PTPRD: variants seen among roughly 807,000 people sequenced by gnomAD.
The protein encoded by PTPRD is receptor-type tyrosine-protein phosphatase delta.
A neutral mutation model predicts 214.5 loss-of-function variants in PTPRD; 34 were observed. That is an observed-to-expected ratio of 0.16 (90% CI 0.12 to 0.21). The LOEUF is 0.21. Ranked by LOEUF, PTPRD falls within the 10% of genes least tolerant of loss-of-function variation. PTPRD has a pLI of 1.00. For synonymous variants in PTPRD, 1,128 were observed against 845.7 expected, an observed-to-expected ratio of 1.33 and a Z score of -5.79; for missense variants, 2,545 against 2,398.7, an observed-to-expected ratio of 1.06 and a Z score of -1.27.
At chr9:8,995,920 A>G (rs1266269201) in intron 11 of PTPRD, among the ~76,000 whole-genome samples, 1 of 152,136 alleles carries the variant, frequency 6.6e-6, no homozygotes, top group African/African-American at 2.4e-5. Context: ...TACTTCTAGT[A>G]CAATATATCT....
chr9:10,060,144 A>G (rs771085183), intron 3 of PTPRD, among the ~76,000 whole-genome samples: 5 of 152,058 alleles, frequency 3.3e-5, no homozygotes, highest in Non-Finnish European at 7.4e-5. Flanking sequence ...ACCAAAGCAA[A>G]ACCTCCTAAA....
At chr9:10,238,493 T>C (rs1450710236) in intron 3 of PTPRD, among the ~76,000 whole-genome samples, 1 of 151,940 alleles carries the variant, frequency 6.6e-6, no homozygotes, top group Non-Finnish European at 1.5e-5. Context: ...AGCCTGTGTA[T>C]ACGCTCCAGA....
At chr9:8,606,839 C>T (rs2095241639) in intron 14 of PTPRD, among the ~76,000 whole-genome samples, 1 of 152,202 alleles carries the variant, frequency 6.6e-6, no homozygotes, top group African/African-American at 2.4e-5. Context: ...AAGCACATTG[C>T]TTAAATTATA....
chr9:10,186,131 C>T (rs1005357686), intron 3 of PTPRD, among the ~76,000 whole-genome samples: 1 of 151,724 alleles, frequency 6.6e-6, no homozygotes, highest in African/African-American at 2.4e-5. Context: ...GAGGACTCAT[C>T]CTCAACAAAC....
intron 2 of PTPRD, among the ~76,000 whole-genome samples, chr9:10,377,070 C>A (rs367705876): frequency 6.6e-6 from 1 of 151,840 alleles, no homozygotes; most frequent in Non-Finnish European, 1.5e-5. Context: ...CCTTTCCAGC[C>A]GCTGGTAACC....
chr9:9,823,014 C>G (rs1046890141), intron 5 of PTPRD, among the ~76,000 whole-genome samples: 4 of 152,124 alleles, frequency 2.6e-5, no homozygotes, highest in African/African-American at 9.7e-5. Context: ...GGTTTCTACA[C>G]TCTCCAATTT....
chr9:9,921,226 ACT>A (rs1328507755), intron 5 of PTPRD, among the ~76,000 whole-genome samples: 1 of 151,992 alleles, frequency 6.6e-6, no homozygotes, highest in Non-Finnish European at 1.5e-5. Flanking sequence ...GCTGCTTTCA[ACT>A]CTCATTTTAT....
intron 10 of PTPRD, among the ~76,000 whole-genome samples, chr9:9,033,773 T>G (rs917575046): frequency 2.6e-5 from 4 of 152,036 alleles, no homozygotes; most frequent in African/African-American, 9.7e-5. Context: ...GATTACACTA[T>G]CTCAGGCATG....
chr9:9,980,278 A>C (rs1443130988), intron 4 of PTPRD, among the ~76,000 whole-genome samples: 1 of 152,016 alleles, frequency 6.6e-6, no homozygotes, highest in African/African-American at 2.4e-5. Flanking sequence ...ATATACTTGT[A>C]ATATATAAAC....
intron 11 of PTPRD, among the ~76,000 whole-genome samples, chr9:8,867,579 TA>T (rs1394394528): frequency 6.6e-6 from 1 of 152,304 alleles, no homozygotes. Context: ...ACCGTTCTCT[TA>T]AAAAACAGGT....
intron 14 of PTPRD, among the ~76,000 whole-genome samples, chr9:8,536,013 T>C (rs1197421297): frequency 6.6e-6 from 1 of 151,946 alleles, no homozygotes; most frequent in Non-Finnish European, 1.5e-5. Flanking sequence ...TACAAATATT[T>C]GAACCTTATT....
rs570476064 is a variant in PTPRD, at chr9:10,107,598, A to G, written c.-544-73808T>C. The stretch of plus-strand genomic sequence containing the variant: ...ACACGTGTTTGTTATGAGGATACAC[A>G]ACATAATGCATGTAATAGTACCTGG... On this transcript the variant is annotated intron_variant, in intron 3 of 45. Coordinates refer to ENST00000381196, the MANE Select transcript of PTPRD (RefSeq NM_002839.4). 2.6e-5 allele frequency among the ~76,000 whole-genome samples: 4 copies of G among 152,210 alleles called. No homozygotes were observed. In the South Asian group the frequency reaches 8.3e-4, roughly 32 times the overall value.
At chr9:10,065,392 T>C (rs1187062750) in intron 3 of PTPRD, among the ~76,000 whole-genome samples, 3 of 151,938 alleles carry the variant, frequency 2.0e-5, no homozygotes, top group African/African-American at 7.2e-5. Flanking sequence ...TGCAGCTTTG[T>C]TGTGGTCAGA....
chr9:9,641,240 T>C (rs1162420426), intron 7 of PTPRD, among the ~76,000 whole-genome samples: 2 of 152,196 alleles, frequency 1.3e-5, no homozygotes, highest in Non-Finnish European at 2.9e-5. Flanking sequence ...GGCAAGGAAA[T>C]ATCAGGTAAT....
intron 37 of PTPRD, among the ~76,000 whole-genome samples, chr9:8,384,600 C>T (rs1221740981): frequency 6.6e-6 from 1 of 152,026 alleles, no homozygotes; most frequent in Non-Finnish European, 1.5e-5. Context: ...CAATCTTGGC[C>T]CACCACAACC....
chr9:9,849,472 T>C (rs980327173), intron 5 of PTPRD, among the ~76,000 whole-genome samples: 40 of 152,152 alleles, frequency 2.6e-4, no homozygotes, highest in African/African-American at 9.7e-4. Flanking sequence ...AAGATATTAC[T>C]ATATTCTTAA....
chr9:10,568,213 G>C (rs897967413), intron 2 of PTPRD, among the ~76,000 whole-genome samples: 3 of 150,216 alleles, frequency 2.0e-5, no homozygotes, highest in African/African-American at 4.9e-5. Context: ...GAGAACATGC[G>C]GTGTTTGGTT....
intron 12 of PTPRD, among the ~76,000 whole-genome samples, chr9:8,684,611 C>T (rs981215744): frequency 6.6e-6 from 1 of 152,102 alleles, no homozygotes; most frequent in African/African-American, 2.4e-5. Context: ...CTATCATTTA[C>T]AGACTAATAC....
At chr9:9,403,324 A>T (rs1192894349) in intron 8 of PTPRD, among the ~76,000 whole-genome samples, 1 of 150,676 alleles carries the variant, frequency 6.6e-6, no homozygotes, top group Non-Finnish European at 1.5e-5. Flanking sequence ...AAAACAAAAA[A>T]CCCAGAACTA....
Sources: gnomAD v4.1 joint callset for allele counts (sites outside exome capture counted in the v4.1 genomes callset) on GRCh38, gnomAD v4.1.1 for gene constraint, MANE v1.5 for transcripts, NCBI Gene and HGNC (gene_info 2026-07-23, HGNC 2026-07-21) for gene names.